TAFA2: variants seen among roughly 807,000 people sequenced by gnomAD.
The protein encoded by TAFA2 is TAFA chemokine like family member 2, also known as chemokine-like protein TAFA-2.
TAFA2 carries 7 observed loss-of-function variants against 18.8 expected under a neutral mutation model. That is an observed-to-expected ratio of 0.37 (90% confidence interval 0.21 to 0.70). The LOEUF (loss-of-function observed/expected upper bound fraction) is 0.70, where lower values mean the gene tolerates loss of function less well. Among genes scored for constraint, TAFA2 ranks in the 30% least tolerant of loss-of-function variants. TAFA2 has a pLI of 0.53. For missense variants in TAFA2, 122 were observed against 158.1 expected (o/e 0.77, Z 1.23); for synonymous variants, 60 against 54.2 (o/e 1.11, Z -0.47).
chr12:61,791,183 T>C (rs1870962614), intron 2 of TAFA2, among the ~76,000 whole-genome samples: 2 of 151,804 alleles, frequency 1.3e-5, no homozygotes, highest in African/African-American at 4.8e-5. Context: ...CATGTATCTT[T>C]TGGCATATAC....
chr12:62,110,026 G>A (rs1160172044), intron 1 of TAFA2, among the ~76,000 whole-genome samples: 1 of 152,162 alleles, frequency 6.6e-6, no homozygotes, highest in African/African-American at 2.4e-5. Context: ...TTGAATAGGA[G>A]TGGTGAGAGA....
intron 1 of TAFA2, among the ~76,000 whole-genome samples, chr12:61,950,937 G>A (rs1423774135): frequency 6.6e-6 from 1 of 152,116 alleles, no homozygotes; most frequent in Non-Finnish European, 1.5e-5. Context: ...ACACACATAT[G>A]CTTTATAGGA....
rs74096107 is a variant in TAFA2 at position 61,904,599 on chromosome 12, A to G, written c.-1-37173T>C. On this transcript the variant is annotated intron_variant, in intron 1 of 4. Coordinates refer to ENST00000416284, the MANE Select transcript of TAFA2 (RefSeq NM_178539.5). The stretch of plus-strand genomic sequence containing the variant: ...AATAATACTACTAATCCCATTGATG[A>G]TCAACCAAGGTAAAGAAGGCAACAT... Among the ~76,000 whole-genome samples, 835 of 152,282 alleles carry G rather than the reference A, an allele frequency of 5.5e-3. 6 individuals carry two copies. The highest frequency in any genetic ancestry group is 0.018 in the African/African-American group (751 of 41,552).
At chr12:62,208,494 T>TTTA (rs2062701118) in intron 1 of TAFA2, among the ~76,000 whole-genome samples, 2 of 152,138 alleles carry the variant, frequency 1.3e-5, no homozygotes, top group Non-Finnish European at 2.9e-5. Context: ...AAAAAGGCTC[T>TTTA]TTATAACATG....
At chr12:61,743,226 G>A (rs1041833901) in intron 4 of TAFA2, among the ~76,000 whole-genome samples, 1 of 151,838 alleles carries the variant, frequency 6.6e-6, no homozygotes, top group Admixed American at 6.6e-5. Flanking sequence ...TGTTTTGATA[G>A]CTTGATGTAG....
intron 1 of TAFA2, among the ~76,000 whole-genome samples, chr12:62,187,670 C>G (rs1407195163): frequency 6.6e-6 from 1 of 152,108 alleles, no homozygotes; most frequent in Non-Finnish European, 1.5e-5. Flanking sequence ...CGACACTGCA[C>G]TGAATGAATC....
chr12:61,748,264 A>G (rs1405225822), intron 4 of TAFA2, among the ~76,000 whole-genome samples: 1 of 152,138 alleles, frequency 6.6e-6, no homozygotes, highest in African/African-American at 2.4e-5. Context: ...TAGATCACTA[A>G]GTAAGATGTA....
rs149165990 is a variant in TAFA2 at position 61,966,624 on chromosome 12, C to T, written c.-1-99198G>A. ...TGCCATTAATCATCTTTTAAAACATCCATGTCATCAAGTCTGTGGCTGAGC... is the reference window on the plus strand; with the variant it reads ...TGCCATTAATCATCTTTTAAAACATTCATGTCATCAAGTCTGTGGCTGAGC... On this transcript the variant is annotated intron_variant, in intron 1 of 4. Transcript: ENST00000416284. Among the ~76,000 whole-genome samples, 487 of 151,936 alleles carry T rather than the reference C, an allele frequency of 3.2e-3. 1 individual carries two copies. The highest frequency in any genetic ancestry group is 0.011 in the African/African-American group (456 of 41,486).
intron 1 of TAFA2, among the ~76,000 whole-genome samples, chr12:61,886,378 C>T (rs781176433): frequency 1.3e-5 from 2 of 152,160 alleles, no homozygotes; most frequent in South Asian, 4.1e-4. Context: ...CCCCCCTGCC[C>T]CCACTGCCAC....
chr12:61,867,127 A>T (rs1874388193), intron 2 of TAFA2, among the ~76,000 whole-genome samples, 193 bp downstream of exon 2: 1 of 152,132 alleles, frequency 6.6e-6, no homozygotes, highest in African/African-American at 2.4e-5. Context: ...AAATGGCATT[A>T]GTCCTGAAAA....
chr12:62,140,247 G>A (rs886801357), intron 1 of TAFA2: 1 of 152,120 alleles, frequency 6.6e-6, no homozygotes, highest in Non-Finnish European at 1.5e-5. Flanking sequence ...TTTTGTGAGG[G>A]AGTGCTGGCA....
intron 1 of TAFA2, among the ~76,000 whole-genome samples, chr12:62,127,038 T>C (rs1003963362): frequency 5.9e-5 from 9 of 152,232 alleles, no homozygotes; most frequent in African/African-American, 2.2e-4. Flanking sequence ...CACATTTGGA[T>C]GAACCCAAAC....
chr12:61,841,359 C>T (rs1156710033), intron 2 of TAFA2, among the ~76,000 whole-genome samples: 1 of 152,094 alleles, frequency 6.6e-6, no homozygotes, highest in Non-Finnish European at 1.5e-5. Context: ...CCAGTTCAAA[C>T]AATTGAAGGA....
intron 2 of TAFA2, among the ~76,000 whole-genome samples, chr12:61,799,659 A>G (rs908008522): frequency 3.3e-5 from 5 of 152,074 alleles, no homozygotes; most frequent in Non-Finnish European, 7.4e-5. Flanking sequence ...CGTCTCTACT[A>G]AAAATACAAA....
At chr12:61,970,044 C>T (rs1446908167) in intron 1 of TAFA2, among the ~76,000 whole-genome samples, 3 of 151,552 alleles carry the variant, frequency 2.0e-5, no homozygotes, top group African/African-American at 7.3e-5. Flanking sequence ...GAAGTTTGGA[C>T]CCTGCCATTT....
At chr12:62,245,516 T>G (rs1445518296) in intron 1 of TAFA2, among the ~76,000 whole-genome samples, 1 of 151,350 alleles carries the variant, frequency 6.6e-6, no homozygotes, top group Non-Finnish European at 1.5e-5. Context: ...AATTATGCTC[T>G]ATTTTTATAT....
At chr12:61,728,359 C>T (rs1468268414) in intron 4 of TAFA2, among the ~76,000 whole-genome samples, 1 of 151,848 alleles carries the variant, frequency 6.6e-6, no homozygotes, top group Non-Finnish European at 1.5e-5. Flanking sequence ...GGCTGTCTGT[C>T]TCATTTCTTA....
In TAFA2 at chr12:62,107,911, T is replaced by C. The variant is rs146554423; in HGVS notation, c.-2+83348A>G. Among the ~76,000 whole-genome samples the C allele has an allele frequency of 7.0e-3, 1,013 of 145,200 alleles. 15 individuals carry two copies. The highest frequency in any genetic ancestry group is 0.023 in the African/African-American group (955 of 40,814). On this transcript the variant is annotated intron_variant, in intron 1 of 4. Coordinates refer to ENST00000416284, the MANE Select transcript of TAFA2 (RefSeq NM_178539.5). Reference sequence around the variant, plus strand: ...TTTGCTTAATATGCTGTAAAGAGTATTGTCTAAAGAATTTAATTGTTTCAT... The same window carrying C: ...TTTGCTTAATATGCTGTAAAGAGTACTGTCTAAAGAATTTAATTGTTTCAT...
intron 1 of TAFA2, among the ~76,000 whole-genome samples, chr12:62,130,157 C>A (rs967496950): frequency 1.3e-5 from 2 of 151,926 alleles, no homozygotes; most frequent in African/African-American, 4.8e-5. Context: ...AAATTGCTTT[C>A]ATCTTCCCAA....
Sources: allele counts gnomAD v4.1 joint callset (sites outside exome capture counted in the v4.1 genomes callset), GRCh38; gene constraint gnomAD v4.1.1; transcripts MANE v1.5; gene names NCBI Gene and HGNC (gene_info 2026-07-23, HGNC 2026-07-21).